The following PLCD4 variants were observed in gnomAD, a reference collection of about 807,000 sequenced individuals.
PLCD4 encodes the protein phospholipase C delta 4.
PLCD4 carries 63 observed loss-of-function variants against 90.2 expected under a neutral mutation model. That is an observed-to-expected ratio of 0.70 (90% CI 0.57 to 0.86). The LOEUF is 0.86. Among genes scored for constraint, PLCD4 ranks in the 40% least tolerant of loss-of-function variants. The pLI is 0.00. For missense variants in PLCD4, 830 were observed against 956.3 expected, an observed-to-expected ratio of 0.87 and a Z score of 1.74; for synonymous variants, 294 against 356.5, an observed-to-expected ratio of 0.82 and a Z score of 1.97.
rs559174406 is a variant in PLCD4, at chr2:218,629,290, A to G, written c.975-229A>G. ...TGCATCATGAGGCAATGTGTGATGG[A>G]TTGCTATGGAAGGACTGTGAGTCGG... On this transcript the variant is annotated intron_variant, in intron 7 of 15. Transcript: ENST00000450993. The G allele has an allele frequency of 1.7e-4, 84 of 485,230 alleles. 1 individual carries two copies. In the South Asian group the frequency reaches 3.3e-3, roughly 19 times the overall value. The allele number at this position is 485,230 out of a possible 1,614,324, so 30.1% of individuals were successfully genotyped here.
chr2:218,633,344 G>A lies in PLCD4; in HGVS notation c.1450-261G>A. On this transcript the variant is annotated intron_variant, in intron 10 of 15. Coordinates refer to ENST00000450993, the MANE Select transcript of PLCD4 (RefSeq NM_032726.4). ...AGCCCAGAGGTTGACACTGATCCCA[G>A]CAGTACATGCAGACCGCCTTTATTC... 3 of 703,150 alleles carry A rather than the reference G, an allele frequency of 4.3e-6. No individual in the cohort carries two copies. In the South Asian group the frequency reaches 4.4e-5, roughly 10 times the overall value. 43.6% of individuals were successfully genotyped at this position (703,150 alleles called of 1,614,324 possible). A position where few individuals can be genotyped will look rare whatever the true frequency, so the allele number is the denominator to read the frequency against.
At chr2:218,616,753 A>ACATACATACATACATACATC (rs1200030043) in intron 3 of PLCD4, among the ~76,000 whole-genome samples, 3 of 149,334 alleles carry the variant, frequency 2.0e-5, no homozygotes, top group Admixed American at 1.4e-4. Flanking sequence ...ATACATACAT[A>ACATACATACATACATACATC]CATCAAGCTT....
intron 5 of PLCD4, among the ~76,000 whole-genome samples, chr2:218,621,904 C>A (rs489321): frequency 0.6 from 90,281 of 151,444 alleles, 27,070 homozygotes; most frequent in East Asian, 0.78. Flanking sequence ...ACAGTGAAAC[C>A]CCCGTCTCTA....
rs1696781281 is a variant in PLCD4, at chr2:218,636,730, A to G, written c.*153A>G. On this transcript the variant is annotated 3_prime_UTR_variant, in exon 16 of 16. Transcript: ENST00000450993. Reference sequence around the variant, plus strand: ...ATTACCTCATTCTTCCTAACAAGCAATCTGGGACCTGATTTTCCACCTTTT... The same window carrying G: ...ATTACCTCATTCTTCCTAACAAGCAGTCTGGGACCTGATTTTCCACCTTTT... The G allele has an allele frequency of 3.8e-6, 3 of 799,194 alleles. No homozygotes were observed. The highest frequency in any genetic ancestry group is 6.1e-6 in the Non-Finnish European group (3 of 491,324). 49.5% of individuals were successfully genotyped at this position (799,194 alleles called of 1,614,324 possible).
At chr2:218,635,197 G>A (rs1012372964) in intron 13 of PLCD4, among the ~76,000 whole-genome samples, 6 of 152,058 alleles carry the variant, frequency 3.9e-5, no homozygotes, top group Non-Finnish European at 8.8e-5. Context: ...TAGCCCAGGA[G>A]ATGGAGGTTG....
chr2:218,630,698 G>A lies in PLCD4; in HGVS notation c.1168G>A (p.Glu390Lys). The A allele has an allele frequency of 6.2e-7, 1 of 1,613,980 alleles. No homozygotes were observed. The part of the protein sequence containing the change: ...ILSLETHCSW[E>K]QQQTMARHLT... ...GTCCCTGGAGACCCACTGCAGCTGGGAGCAGCAGCAGACCATGGCCCGTCA... is the reference window on the plus strand; with the variant it reads ...GTCCCTGGAGACCCACTGCAGCTGGAAGCAGCAGCAGACCATGGCCCGTCA... Residue 390 changes from glutamate to lysine, a missense_variant, in exon 9 of 16, where the codon GAG becomes AAG. Glu to Lys is a moderately conservative substitution (Grantham distance 56, BLOSUM62 1). Coordinates refer to ENST00000450993, the MANE Select transcript of PLCD4 (RefSeq NM_032726.4).
rs1400389113 is a variant in PLCD4, at chr2:218,636,319, A to G, written c.2109A>G (p.Val703=). The G allele has an allele frequency of 6.2e-7, 1 of 1,614,016 alleles. No homozygotes were observed. The highest frequency in any genetic ancestry group is 2.2e-5 in the East Asian group (1 of 44,890). The change falls in exon 15 of 16, where the codon GTA becomes GTG. Residue 703 remains valine, a synonymous_variant. Transcript: ENST00000450993. ...VPELAMLRFV[V]MDYDWKSRND... The stretch of plus-strand genomic sequence containing the variant: ...AACTTGCCATGCTGCGTTTTGTGGT[A>G]ATGGATTATGACTGGAAATCCCGAA...
intron 6 of PLCD4, among the ~76,000 whole-genome samples, chr2:218,625,133 G>A (rs832800): frequency 0.6 from 64,613 of 106,996 alleles, 19,156 homozygotes; most frequent in East Asian, 0.82. Context: ...AAAAAAAAAA[G>A]AAAGAAAGAA....
chr2:218,609,400 T>C (rs1355243068), intron 1 of PLCD4: 1 of 152,188 alleles, frequency 6.6e-6, no homozygotes, highest in Non-Finnish European at 1.5e-5. Context: ...AGGACCAAAT[T>C]GCGCTCTGCA....
At position 218,610,503 on chromosome 2, in the gene PLCD4, G is replaced by A. The variant is rs532697051; in HGVS notation, c.-34+2433G>A. On this transcript the variant is annotated intron_variant, in intron 1 of 15. Transcript: ENST00000450993. ...AGCCTGGGCGACAGAGTGACACTCC[G>A]TCTCAAAAAAAAATAAATAAATAGA... 1.9e-3 allele frequency among the ~76,000 whole-genome samples: 278 copies of A among 149,528 alleles called. 1 individual carries two copies. Among genetic ancestry groups the A allele is most frequent in the Non-Finnish European group, 3.3e-3 (222 of 67,690 alleles).
intron 5 of PLCD4, chr2:218,622,388 G>T (rs924290324): frequency 4.4e-5 from 13 of 297,972 alleles, no homozygotes; most frequent in African/African-American, 1.5e-4. Flanking sequence ...TAGGAGTTCC[G>T]TGGGAGTTTT....
intron 8 of PLCD4, 24 bp downstream of exon 8, chr2:218,629,687 C>T: frequency 6.2e-7 from 1 of 1,606,112 alleles, no homozygotes; most frequent in Non-Finnish European, 8.5e-7. Flanking sequence ...GATGGGGACA[C>T]TGGTGAGGCC....
intron 4 of PLCD4, among the ~76,000 whole-genome samples, chr2:218,619,153 T>C (rs989367881): frequency 5.3e-5 from 8 of 152,080 alleles, no homozygotes; most frequent in African/African-American, 1.7e-4. Context: ...GAAGGCTCAG[T>C]GATATAAACT....
intron 1 of PLCD4, among the ~76,000 whole-genome samples, chr2:218,615,222 A>AAAAAAG (rs906666953): frequency 2.5e-4 from 38 of 152,164 alleles, no homozygotes; most frequent in African/African-American, 8.2e-4. Context: ...TCCGTATCAA[A>AAAAAAG]AAAAAGAAAA....
Position 218,621,553 on chromosome 2 carries a change from T to C in PLCD4, c.494T>C (p.Leu165Pro). Residue 165 changes from leucine to proline, a missense_variant, in exon 5 of 16, where the codon CTA becomes CCA. Coordinates refer to ENST00000450993, the MANE Select transcript of PLCD4 (RefSeq NM_032726.4). The part of the protein sequence containing the change: ...SFQEVQRLLH[L>P]MNVEMDQEYA... Reference sequence around the variant, plus strand: ...CAAGAAGTTCAGCGGTTATTGCACCTAATGAATGTGGAAATGGACCAAGAA... The same window carrying C: ...CAAGAAGTTCAGCGGTTATTGCACCCAATGAATGTGGAAATGGACCAAGAA... 6.2e-7 allele frequency: 1 copy of C among 1,614,028 alleles called. No individual in the cohort carries two copies. Among genetic ancestry groups the C allele is most frequent in the Non-Finnish European group, 8.5e-7 (1 of 1,179,878 alleles).
At chr2:218,622,348 A>C (rs1342972480) in intron 5 of PLCD4, 1 of 206,604 alleles carries the variant, frequency 4.8e-6, no homozygotes, top group African/African-American at 2.3e-5. Context: ...CTTCTTACTG[A>C]AGTGATTTAT....
intron 10 of PLCD4, chr2:218,633,111 T>G (rs1445323775): frequency 6.4e-5 from 27 of 424,706 alleles, no homozygotes; most frequent in Middle Eastern, 6.7e-4. Context: ...AATCCAAAGA[T>G]ATTACTCTGG....
rs1489967752 is a variant in PLCD4 at position 218,628,056 on chromosome 2, A to G, written c.800A>G (p.Asp267Gly). 2 of 1,613,756 alleles carry G rather than the reference A, an allele frequency of 1.2e-6. No homozygotes were observed. The highest frequency in any genetic ancestry group is 1.1e-5 in the South Asian group (1 of 91,068). The change falls in exon 7 of 16, where the codon GAT becomes GGT. Residue 267 changes from aspartate (D) to glycine (G), a missense_variant. Physicochemically the swap from Asp to Gly is moderately conservative, Grantham distance 94. Transcript: ENST00000450993. ...SGKLRHVLSM[D>G]GFLSYLCSKD... is the part of the protein sequence containing the mutation. The stretch of plus-strand genomic sequence containing the variant: ...AAACTGCGGCATGTGCTGAGTATGG[A>G]TGGCTTCCTCAGCTACCTCTGCTCT...
rs370262663 is a variant in PLCD4, at chr2:218,632,243, G to A, written c.1380G>A (p.Ala460=). ...CTGAGTTGGAAGAGTCAGAATTGGC[G>A]CTGGAGTCCCAGTTTGAGACTGAGC... ...AEPELEESEL[A]LESQFETEPE... Residue 460 remains alanine, a synonymous_variant, in exon 10 of 16, where the codon GCG becomes GCA. Transcript: ENST00000450993. 3.5e-5 allele frequency: 56 copies of A among 1,611,386 alleles called. No homozygotes were observed. The highest frequency in any genetic ancestry group is 4.3e-5 in the Non-Finnish European group (51 of 1,178,892).
Sources: gnomAD v4.1 joint callset for allele counts (sites outside exome capture counted in the v4.1 genomes callset) on GRCh38, gnomAD v4.1.1 for gene constraint, MANE v1.5 for transcripts, NCBI Gene and HGNC (gene_info 2026-07-23, HGNC 2026-07-21) for gene names.